Variants in PTPN4 observed in about 807,000 individuals in gnomAD.
The protein encoded by PTPN4 is protein tyrosine phosphatase non-receptor type 4, also known as tyrosine-protein phosphatase non-receptor type 4.
In PTPN4, 49 loss-of-function variants were observed where a neutral mutation model predicts 135.5. The observed-to-expected ratio is 0.36, with a 90% confidence interval of 0.29 to 0.46. The LOEUF (loss-of-function observed/expected upper bound fraction) is 0.46. Ranked by LOEUF, PTPN4 falls within the 20% of genes least tolerant of loss-of-function variation. PTPN4 has a pLI of 1.00. For missense variants in PTPN4, 860 were observed against 1,101.0 expected (o/e 0.78, Z 3.10); for synonymous variants, 333 against 369.9 (o/e 0.90, Z 1.14).
intron 1 of PTPN4, among the ~76,000 whole-genome samples, chr2:119,800,281 G>A (rs1691338607): frequency 1.3e-5 from 2 of 152,086 alleles, no homozygotes; most frequent in South Asian, 2.1e-4. Flanking sequence ...TATTTTGGCC[G>A]TTAAATAGGT....
chr2:119,920,132 T>G lies in PTPN4; in HGVS notation c.892T>G (p.Trp298Gly). The change falls in exon 12 of 27, where the codon TGG becomes GGG. Residue 298 changes from tryptophan (W) to glycine (G), a missense_variant. Around this residue, in one of 2 missense-constraint regions of PTPN4, gnomAD observed 684 missense variants for 807.0 expected, o/e 0.85. Transcript: ENST00000263708. ...GAATTACAGAGCATGTAAAAATTTG[T>G]GGAAAGCATGTGTAGAACATCACAC... ...MVNYRACKNLWKACVEHHTFF... is the reference protein window; with the variant it reads ...MVNYRACKNLGKACVEHHTFF... 6.2e-7 allele frequency: 1 copy of G among 1,613,390 alleles called. No homozygotes were observed. The highest frequency in any genetic ancestry group is 8.5e-7 in the Non-Finnish European group (1 of 1,179,736).
intron 5 of PTPN4, among the ~76,000 whole-genome samples, chr2:119,878,259 AAC>A (rs1298034086): frequency 3.3e-5 from 5 of 152,204 alleles, no homozygotes; most frequent in African/African-American, 1.2e-4. Flanking sequence ...GAGAAATACC[AAC>A]AGTGTAGTAA....
At chr2:119,930,442 T>C (rs1678887980) in intron 13 of PTPN4, among the ~76,000 whole-genome samples, 1 of 152,084 alleles carries the variant, frequency 6.6e-6, no homozygotes. Context: ...GCCCTGAAAA[T>C]TTGGATATTC....
intron 1 of PTPN4, among the ~76,000 whole-genome samples, chr2:119,787,652 G>A (rs1161756440): frequency 1.3e-5 from 2 of 152,162 alleles, no homozygotes; most frequent in African/African-American, 4.8e-5. Flanking sequence ...AATCTTTAAG[G>A]TATGGTAGAA....
intron 10 of PTPN4, among the ~76,000 whole-genome samples, chr2:119,909,968 G>A (rs1367969950): frequency 1.3e-5 from 2 of 152,124 alleles, no homozygotes; most frequent in Non-Finnish European, 2.9e-5. Context: ...TTATGGATGA[G>A]CAAAGAAAGT....
At chr2:119,804,563 AATG>A (rs1327799143) in intron 1 of PTPN4, among the ~76,000 whole-genome samples, 49 of 152,106 alleles carry the variant, frequency 3.2e-4, no homozygotes, top group Admixed American at 3.1e-3. Context: ...GTTTGCTCAG[AATG>A]ATGATTTCCA....
chr2:119,958,309 T>G (rs575615656), intron 22 of PTPN4, among the ~76,000 whole-genome samples: 2 of 138,744 alleles, frequency 1.4e-5, no homozygotes, highest in Non-Finnish European at 3.1e-5. Context: ...TGTCACTGGG[T>G]GACAGAACAA....
At chr2:119,907,783 A>G (rs1433900033) in intron 10 of PTPN4, among the ~76,000 whole-genome samples, 1 of 152,174 alleles carries the variant, frequency 6.6e-6, no homozygotes, top group African/African-American at 2.4e-5. Context: ...AGAATAGAGA[A>G]CATAGAAATA....
intron 10 of PTPN4, among the ~76,000 whole-genome samples, chr2:119,903,556 GAC>G (rs35324437): frequency 0.11 from 16,217 of 147,322 alleles, 1,734 homozygotes; most frequent in African/African-American, 0.28. Flanking sequence ...TGCAGCTGCT[GAC>G]ACACACACAC....
At position 119,984,433 on chromosome 2, in the gene PTPN4, T is replaced by C. The variant is rs1446305; in HGVS notation, c.*7363T>C. On this transcript the variant is annotated 3_prime_UTR_variant, in exon 27 of 27. Coordinates refer to ENST00000263708, the MANE Select transcript of PTPN4 (RefSeq NM_002830.4). ...CTATTAAACTAGTGGCAAAACAGAA[T>C]TGGTCCCTTAGTTTTTTAGATTACC... Among the ~76,000 whole-genome samples the C allele has an allele frequency of 0.46, 70,252 of 152,018 alleles. 17,959 individuals carry two copies. The highest frequency in any genetic ancestry group is 0.66 in the East Asian group (3,421 of 5,166).
intron 9 of PTPN4, among the ~76,000 whole-genome samples, chr2:119,888,491 A>G (rs1369144965): frequency 6.6e-6 from 1 of 152,084 alleles, no homozygotes; most frequent in African/African-American, 2.4e-5. Context: ...TTTGTCATAT[A>G]TGGCTTTTAT....
At chr2:119,837,695 C>T (rs1231635311) in intron 2 of PTPN4, among the ~76,000 whole-genome samples, 1 of 152,186 alleles carries the variant, frequency 6.6e-6, no homozygotes, top group Non-Finnish European at 1.5e-5. Flanking sequence ...CCTAGGGTAC[C>T]CTTTTAATTA....
chr2:119,881,429 T>C (rs1335534547), intron 5 of PTPN4, among the ~76,000 whole-genome samples: 1 of 152,226 alleles, frequency 6.6e-6, no homozygotes, highest in Admixed American at 6.5e-5. Context: ...TACAATGCTC[T>C]TCCATGTTTG....
chr2:119,973,657 T>TTTTTTTTTTTTTG (rs1169453250), intron 26 of PTPN4, among the ~76,000 whole-genome samples: 33 of 79,186 alleles, frequency 4.2e-4, no homozygotes, highest in African/African-American at 1.1e-3. Flanking sequence ...CATTTCTTGT[T>TTTTTTTTTTTTTG]TTTTTTTTTT....
intron 26 of PTPN4, among the ~76,000 whole-genome samples, chr2:119,970,768 G>A (rs1679521804): frequency 6.6e-6 from 1 of 152,178 alleles, no homozygotes; most frequent in Admixed American, 6.5e-5. Flanking sequence ...ATGCTGCCAT[G>A]AATTTTTATG....
intron 19 of PTPN4, among the ~76,000 whole-genome samples, chr2:119,954,224 C>T (rs537772945): frequency 6.6e-6 from 1 of 152,248 alleles, no homozygotes; most frequent in Admixed American, 6.5e-5. Flanking sequence ...GGAACCAGAT[C>T]TCTTAGGCAA....
chr2:119,797,326 G>A (rs1030945378), intron 1 of PTPN4, among the ~76,000 whole-genome samples: 1 of 152,146 alleles, frequency 6.6e-6, no homozygotes, highest in Non-Finnish European at 1.5e-5. Context: ...CCATTGATGT[G>A]TTGTCTTATC....
Position 119,945,066 on chromosome 2 carries a change from T to A in PTPN4, c.1356-15T>A. The stretch of plus-strand genomic sequence containing the variant: ...AAAGTTATGAAACAACTTCCAAATT[T>A]GTTTTCTTGTCTAGATCACAAGAGA... On this transcript the variant is annotated splice_polypyrimidine_tract_variant and intron_variant, in intron 15 of 26. Coordinates refer to ENST00000263708, the MANE Select transcript of PTPN4 (RefSeq NM_002830.4). 12 of 1,558,330 alleles carry A rather than the reference T, an allele frequency of 7.7e-6. No homozygotes were observed. Among genetic ancestry groups the A allele is most frequent in the South Asian group, 1.3e-5 (1 of 78,344 alleles).
intron 2 of PTPN4, among the ~76,000 whole-genome samples, chr2:119,838,549 G>C (rs1018854893): frequency 1.3e-5 from 2 of 152,204 alleles, no homozygotes; most frequent in African/African-American, 4.8e-5. Context: ...TCTGCCAACA[G>C]GAAGCTCCTT....
Sources: allele counts gnomAD v4.1 joint callset (sites outside exome capture counted in the v4.1 genomes callset), GRCh38; gene constraint gnomAD v4.1.1; regional missense constraint gnomAD v4.1.1; transcripts MANE v1.5; gene names NCBI Gene and HGNC (gene_info 2026-07-23, HGNC 2026-07-21).